TTBK1: variants seen among roughly 807,000 people sequenced by gnomAD.
TTBK1 encodes tau tubulin kinase 1, also known as tau-tubulin kinase 1.
TTBK1 carries 34 observed loss-of-function variants against 108.5 expected under a neutral mutation model. The observed-to-expected ratio is 0.31, with a 90% CI of 0.24 to 0.42. The LOEUF is 0.42. Ranked by LOEUF, TTBK1 falls within the 10% of genes least tolerant of loss-of-function variation. The pLI is 1.00. For synonymous variants in TTBK1, 809 were observed against 795.1 expected, an observed-to-expected ratio of 1.02 and a Z score of -0.29; for missense variants, 1,539 against 1,826.0, an observed-to-expected ratio of 0.84 and a Z score of 2.86.
In TTBK1 at chr6:43,259,296, G is replaced by A; in HGVS notation, c.1248+27G>A. On this transcript the variant is annotated intron_variant, in intron 11 of 14. Coordinates refer to ENST00000259750, the MANE Select transcript of TTBK1 (RefSeq NM_032538.3). This position sits in a 1 kb window ranked among gnomAD's most constrained non-coding sequence, Gnocchi z 6.7. ...TAACTGCCGCCAGGGCGAAGGGCGT[G>A]GGTGGCCTTTTCTCTCACCCCCGAT... 6.6e-7 allele frequency: 1 copy of A among 1,518,966 alleles called. No homozygotes were observed. Among genetic ancestry groups the A allele is most frequent in the Non-Finnish European group, 8.9e-7 (1 of 1,128,950 alleles). 94.1% of individuals were successfully genotyped at this position (1,518,966 alleles called of 1,614,324 possible). A position where few individuals can be genotyped will look rare whatever the true frequency, so the allele number is the denominator to read the frequency against.
chr6:43,253,315 T>C lies in TTBK1; in HGVS notation c.281T>C (p.Ile94Thr), dbSNP rs1348016650. The C allele has an allele frequency of 6.2e-7, 1 of 1,614,090 alleles. No individual in the cohort carries two copies. Among genetic ancestry groups the C allele is most frequent in the Non-Finnish European group, 8.5e-7 (1 of 1,179,996 alleles). Residue 94 changes from isoleucine (I) to threonine (T), a missense_variant, in exon 4 of 15, where the codon ATT becomes ACT. Ile to Thr is a moderately conservative substitution (Grantham distance 89, BLOSUM62 -1). Transcript: ENST00000259750. The surrounding 1 kb of genome is among the most constrained non-coding windows in gnomAD (Gnocchi z 5.8). ...GGGAAGGACCATGTGTGCAGGTTCA[T>C]TGGCTGTGGCAGGAACGAGAAGTTT... Reference protein sequence around the residue: ...LQGKDHVCRFIGCGRNEKFNY... With the variant: ...LQGKDHVCRFTGCGRNEKFNY...
chr6:43,252,930 G>C, intron 3 of TTBK1, 44 bp downstream of exon 3: 1 of 1,606,420 alleles, frequency 6.2e-7, no homozygotes, highest in East Asian at 2.2e-5. Flanking sequence ...AGATGATGAA[G>C]CCAGGGGCTA....
Position 43,283,328 on chromosome 6 carries a change from C to T in TTBK1, c.2588C>T (p.Ala863Val). 1 of 1,587,658 alleles carries T rather than the reference C, an allele frequency of 6.3e-7. No homozygotes were observed. Among genetic ancestry groups the T allele is most frequent in the East Asian group, 2.3e-5 (1 of 43,146 alleles). ...LAPDPDLGTL[A>V]ALTPQHERPQ... ...CCCGACCCCGACCTGGGCACCCTGGCTGCCCTCACTCCTCAGCATGAGCGG... is the reference window on the plus strand; with the variant it reads ...CCCGACCCCGACCTGGGCACCCTGGTTGCCCTCACTCCTCAGCATGAGCGG... The change falls in exon 14 of 15, where the codon GCT becomes GTT. Residue 863 changes from alanine to valine, a missense_variant. Physicochemically the swap from Ala to Val is moderately conservative, Grantham distance 64 (BLOSUM62 0). Around this residue, in one of 5 missense-constraint regions of TTBK1, gnomAD observed 1,055 missense variants for 1,086.5 expected, o/e 0.97. Transcript: ENST00000259750. This position sits in a 1 kb window ranked among gnomAD's most constrained non-coding sequence, Gnocchi z 8.1.
Position 43,259,450 on chromosome 6 carries a change from T to A in TTBK1, c.1249-81T>A, listed in dbSNP as rs996111861. 4.9e-5 allele frequency: 70 copies of A among 1,435,530 alleles called. No homozygotes were observed. The highest frequency in any genetic ancestry group is 6.0e-5 in the Non-Finnish European group (64 of 1,072,446). 88.9% of individuals were successfully genotyped at this position (1,435,530 alleles called of 1,614,324 possible). On this transcript the variant is annotated intron_variant, in intron 11 of 14. Coordinates refer to ENST00000259750, the MANE Select transcript of TTBK1 (RefSeq NM_032538.3). This position sits in a 1 kb window ranked among gnomAD's most constrained non-coding sequence, Gnocchi z 6.7. ...GCTGTGTCTTCCATCATCATCATCCTCTGTCTCCTTCACCCTGAGGAGACC... is the reference window on the plus strand; with the variant it reads ...GCTGTGTCTTCCATCATCATCATCCACTGTCTCCTTCACCCTGAGGAGACC...
chr6:43,284,216 C>T lies in TTBK1; in HGVS notation c.3476C>T (p.Pro1159Leu), dbSNP rs1562102746. 1 of 1,593,286 alleles carries T rather than the reference C, an allele frequency of 6.3e-7. No individual in the cohort carries two copies. The highest frequency in any genetic ancestry group is 2.2e-5 in the East Asian group (1 of 44,638). Residue 1159 changes from proline (P) to leucine (L), a missense_variant, in exon 14 of 15, where the codon CCC becomes CTC. Around this residue, in one of 5 missense-constraint regions of TTBK1, gnomAD observed 1,055 missense variants for 1,086.5 expected, o/e 0.97. Transcript: ENST00000259750. ...AAATRSRIPR[P>L]IGLRMPMPVA... The stretch of plus-strand genomic sequence containing the variant: ...GCCACCAGGAGCCGGATTCCCCGCC[C>T]CATTGGCCTCCGCATGCCCATGCCT...
chr6:43,281,523 G>A (rs1778161754), intron 13 of TTBK1, among the ~76,000 whole-genome samples: 1 of 152,168 alleles, frequency 6.6e-6, no homozygotes, highest in South Asian at 2.1e-4. Context: ...GCAGAATGGA[G>A]AGAACAGGCC....
intron 12 of TTBK1, among the ~76,000 whole-genome samples, chr6:43,261,876 G>A (rs1250987155): frequency 1.3e-5 from 2 of 152,010 alleles, no homozygotes; most frequent in Non-Finnish European, 2.9e-5. Flanking sequence ...TGCCCTTGGG[G>A]TAAAGTCAGA....
chr6:43,270,325 G>C (rs1246379738), intron 13 of TTBK1: 1 of 1,050,490 alleles, frequency 9.5e-7, no homozygotes, highest in Non-Finnish European at 1.1e-6. Context: ...TCTGGTATGG[G>C]CTTTGTTCTG....
chr6:43,261,555 C>G (rs1777539309), intron 12 of TTBK1, among the ~76,000 whole-genome samples: 1 of 152,160 alleles, frequency 6.6e-6, no homozygotes, highest in Non-Finnish European at 1.5e-5. Flanking sequence ...TGGCTCGCGT[C>G]TGTAATCCCA....
In TTBK1 at chr6:43,253,723, C is replaced by CA. The variant is rs772869402; in HGVS notation, c.471+16dup. On this transcript the variant is annotated intron_variant, in intron 5 of 14. Transcript: ENST00000259750. This position sits in a 1 kb window ranked among gnomAD's most constrained non-coding sequence, Gnocchi z 5.8. The stretch of plus-strand genomic sequence containing the variant: ...ACATCAAGCCTGTGAGTACTGCCCC[C>CA]ACACGCCTCTCTGTTCCCTCCTCCA... The CA allele has an allele frequency of 6.2e-7, 1 of 1,606,322 alleles. No individual in the cohort carries two copies. The highest frequency in any genetic ancestry group is 8.5e-7 in the Non-Finnish European group (1 of 1,175,838).
intron 2 of TTBK1, among the ~76,000 whole-genome samples, chr6:43,250,348 CT>C (rs555371314): frequency 0.09 from 8,015 of 88,862 alleles, 206 homozygotes; most frequent in African/African-American, 0.13. Context: ...CCTGGCTTTG[CT>C]TTTTTTTTTT....
chr6:43,247,932 A>AT lies in TTBK1; in HGVS notation c.108+1164_108+1165insT, dbSNP rs112912918. 3.5e-3 allele frequency: 524 copies of AT among 151,814 alleles called. 3 individuals carry two copies. Among genetic ancestry groups the AT allele is most frequent in the Non-Finnish European group, 5.9e-3 (399 of 67,986 alleles). 9.4% of individuals were successfully genotyped at this position (151,814 alleles called of 1,614,324 possible). ...AGGAAAGGGGCTGTTTATGTCCCAGAGGGGGACTTCCTGAGAGGGAGAGTA... is the reference window on the plus strand; with the variant it reads ...AGGAAAGGGGCTGTTTATGTCCCAGATGGGGGACTTCCTGAGAGGGAGAGTA... On this transcript the variant is annotated intron_variant, in intron 2 of 14. Coordinates refer to ENST00000259750, the MANE Select transcript of TTBK1 (RefSeq NM_032538.3).
Position 43,243,909 on chromosome 6 carries a change from C to T in TTBK1, c.-55+201C>T, listed in dbSNP as rs1289829479. Among the ~76,000 whole-genome samples the T allele has an allele frequency of 6.6e-6, 1 of 152,116 alleles. No homozygotes were observed. Among genetic ancestry groups the T allele is most frequent in the Non-Finnish European group, 1.5e-5 (1 of 67,978 alleles). The stretch of plus-strand genomic sequence containing the variant: ...CGCTCCCTGTCCCCAGCACACAGAC[C>T]TCCCTCCCCAACCCGTCCTCCGGGC... On this transcript the variant is annotated intron_variant, in intron 1 of 14. Transcript: ENST00000259750. This position sits in a 1 kb window ranked among gnomAD's most constrained non-coding sequence, Gnocchi z 5.5.
intron 13 of TTBK1, chr6:43,271,374 T>C: frequency 1.0e-6 from 1 of 985,414 alleles, no homozygotes; most frequent in Non-Finnish European, 1.2e-6. Flanking sequence ...GAAGTGCCAT[T>C]TACATAGACC....
intron 12 of TTBK1, among the ~76,000 whole-genome samples, chr6:43,262,505 T>G (rs1272992798): frequency 6.6e-6 from 1 of 152,196 alleles, no homozygotes; most frequent in Non-Finnish European, 1.5e-5. Flanking sequence ...AACCCGAGTT[T>G]ATTTTCTGCT....
At chr6:43,274,544 T>G (rs1366648409) in intron 13 of TTBK1, among the ~76,000 whole-genome samples, 2 of 152,118 alleles carry the variant, frequency 1.3e-5, no homozygotes, top group Non-Finnish European at 2.9e-5. Flanking sequence ...CAGCTGTGTG[T>G]GGGGAGCCTG....
In TTBK1 at chr6:43,283,755, C is replaced by G. The variant is rs550158042; in HGVS notation, c.3015C>G (p.Thr1005=). 2 of 1,613,806 alleles carry G rather than the reference C, an allele frequency of 1.2e-6. No homozygotes were observed. The highest frequency in any genetic ancestry group is 1.3e-5 in the African/African-American group (1 of 75,024). ...CCCTGTCTGGGGCCCCCCGGGAAAC[C>G]CCCTCAGAGATGGCCACAAACTCAC... ...GSALSGAPRE[T]PSEMATNSLP... Residue 1005 remains threonine, a synonymous_variant, in exon 14 of 15, where the codon ACC becomes ACG. Transcript: ENST00000259750. This position sits in a 1 kb window ranked among gnomAD's most constrained non-coding sequence, Gnocchi z 8.1.
chr6:43,261,586 G>A (rs1194867882), intron 12 of TTBK1, among the ~76,000 whole-genome samples: 1 of 152,078 alleles, frequency 6.6e-6, no homozygotes, highest in Non-Finnish European at 1.5e-5. Context: ...AGGCCAAGGT[G>A]GGTGGATCAC....
chr6:43,271,684 G>C lies in TTBK1; in HGVS notation c.1986+8334G>C, dbSNP rs546616740. On this transcript the variant is annotated intron_variant, in intron 13 of 14. Coordinates refer to ENST00000259750, the MANE Select transcript of TTBK1 (RefSeq NM_032538.3). The stretch of plus-strand genomic sequence containing the variant: ...GTCCACACAGAGGGCCACCATTGTG[G>C]TATGGCTCATCCACACCATTCACAT... 7.1e-6 allele frequency: 7 copies of C among 985,288 alleles called. No homozygotes were observed. The African/African-American group carries it at 1.0e-4, about 15-fold the overall frequency. 61.0% of individuals were successfully genotyped at this position (985,288 alleles called of 1,614,324 possible). A position where few individuals can be genotyped will look rare whatever the true frequency, so the allele number is the denominator to read the frequency against.
Sources: gnomAD v4.1 joint callset for allele counts (sites outside exome capture counted in the v4.1 genomes callset) on GRCh38, gnomAD v4.1.1 for gene constraint, gnomAD v4.1.1 regional missense constraint, Gnocchi (gnomAD v3.1) non-coding constraint, MANE v1.5 for transcripts, NCBI Gene and HGNC (gene_info 2026-07-23, HGNC 2026-07-21) for gene names.